The following SLC9A9 variants were observed in gnomAD, a reference collection of about 807,000 sequenced individuals.
SLC9A9 encodes the protein solute carrier family 9 member A9.
Under a neutral mutation model 77.8 loss-of-function variants are expected in SLC9A9, and 62 were observed. The ratio of observed to expected loss-of-function variants is 0.80; its 90% CI spans 0.65 to 0.98. The LOEUF (loss-of-function observed/expected upper bound fraction) is 0.98, where lower values mean the gene tolerates loss of function less well. Among genes scored for constraint, SLC9A9 ranks in the 50% least tolerant of loss-of-function variants. The probability of loss-of-function intolerance (pLI) is 0.00; values close to 1 mark genes in which losing one functional copy is unlikely to be tolerated. For missense variants in SLC9A9, 775 were observed against 774.9 expected, an observed-to-expected ratio of 1.00 and a Z score of 0.00; for synonymous variants, 320 against 283.5, an observed-to-expected ratio of 1.13 and a Z score of -1.29.
intron 12 of SLC9A9, among the ~76,000 whole-genome samples, chr3:143,428,117 A>C (rs531875607): frequency 6.6e-6 from 1 of 152,322 alleles, no homozygotes; most frequent in Non-Finnish European, 1.5e-5. Flanking sequence ...CTGCACAATG[A>C]AGGAAACAAA....
At chr3:143,751,818 G>T (rs1455521200) in intron 4 of SLC9A9, among the ~76,000 whole-genome samples, 1 of 152,220 alleles carries the variant, frequency 6.6e-6, no homozygotes, top group Non-Finnish European at 1.5e-5. Flanking sequence ...GCAGCTGGGG[G>T]TACAGGGAGA....
At chr3:143,346,922 CTT>C (rs780446450) in intron 14 of SLC9A9, 5 of 152,164 alleles carry the variant, frequency 3.3e-5, no homozygotes, top group Admixed American at 6.5e-5. Context: ...TCAGATGACT[CTT>C]GTCAATTTTA....
intron 14 of SLC9A9, among the ~76,000 whole-genome samples, chr3:143,288,807 C>T (rs1430534486): frequency 6.6e-6 from 1 of 152,156 alleles, no homozygotes; most frequent in East Asian, 1.9e-4. Flanking sequence ...CAAGGACATA[C>T]AGCTAAAAAT....
intron 8 of SLC9A9, among the ~76,000 whole-genome samples, chr3:143,555,931 C>T (rs1018059378): frequency 1.8e-4 from 27 of 152,180 alleles, no homozygotes; most frequent in Non-Finnish European, 2.8e-4. Context: ...CAAAATTGAT[C>T]TGACCCTTAG....
At chr3:143,321,362 G>T (rs1012470648) in intron 14 of SLC9A9, among the ~76,000 whole-genome samples, 1 of 152,170 alleles carries the variant, frequency 6.6e-6, no homozygotes, top group African/African-American at 2.4e-5. Context: ...AGGAAGGGAC[G>T]GAAATAGGTA....
At chr3:143,393,925 C>G (rs2108507186) in intron 12 of SLC9A9, among the ~76,000 whole-genome samples, 1 of 152,102 alleles carries the variant, frequency 6.6e-6, no homozygotes, top group Non-Finnish European at 1.5e-5. Context: ...TCTGAATAGA[C>G]CAATATGAGG....
chr3:143,298,991 T>TA (rs1051607429), intron 14 of SLC9A9, among the ~76,000 whole-genome samples: 4 of 152,208 alleles, frequency 2.6e-5, no homozygotes, highest in Non-Finnish European at 5.9e-5. Context: ...ATCATTGTAT[T>TA]AAATGCAGTG....
chr3:143,517,615 A>G, intron 9 of SLC9A9: 1 of 1,597,510 alleles, frequency 6.3e-7, no homozygotes, highest in Non-Finnish European at 8.5e-7. Context: ...AGGCAAGGGC[A>G]AGATCATGGG....
rs147136335 is a variant in SLC9A9 at position 143,629,508 on chromosome 3, C to T, written c.755+22747G>A. 2.1e-3 allele frequency among the ~76,000 whole-genome samples: 324 copies of T among 152,130 alleles called. 4 individuals carry two copies. Among genetic ancestry groups the T allele is most frequent in the Admixed American group, 1.8e-3 (28 of 15,258 alleles). On this transcript the variant is annotated intron_variant, in intron 6 of 15. Coordinates refer to ENST00000316549, the MANE Select transcript of SLC9A9 (RefSeq NM_173653.4). ...TTATTGATCTGAAATTCAAATTTAA[C>T]TGGGTGTCCTACATCTTTATTTGCT...
intron 5 of SLC9A9, among the ~76,000 whole-genome samples, chr3:143,675,104 T>C (rs961109405): frequency 2.0e-5 from 3 of 152,318 alleles, no homozygotes; most frequent in South Asian, 2.1e-4. Context: ...GAGAACCTAC[T>C]AATATAGAGC....
chr3:143,377,851 C>T (rs1576458109), intron 13 of SLC9A9, among the ~76,000 whole-genome samples: 1 of 152,206 alleles, frequency 6.6e-6, no homozygotes, highest in South Asian at 2.1e-4. Flanking sequence ...CTGTTTCTCC[C>T]ACTTTTTCTC....
chr3:143,426,374 G>A (rs2034405866), intron 12 of SLC9A9, among the ~76,000 whole-genome samples: 1 of 151,984 alleles, frequency 6.6e-6, no homozygotes, highest in Admixed American at 6.6e-5. Context: ...GAACTATTTT[G>A]GCCCCACAAT....
chr3:143,485,257 C>T (rs1232658546), intron 11 of SLC9A9, among the ~76,000 whole-genome samples: 3 of 152,144 alleles, frequency 2.0e-5, no homozygotes, highest in South Asian at 2.1e-4. Context: ...CAGACAAAAT[C>T]GCCACCATTG....
At chr3:143,553,085 A>G (rs570857944) in intron 8 of SLC9A9, among the ~76,000 whole-genome samples, 4 of 152,300 alleles carry the variant, frequency 2.6e-5, no homozygotes, top group Non-Finnish European at 4.4e-5. Flanking sequence ...CACTCCTTGA[A>G]AGTAAACTGG....
chr3:143,267,045 C>T (rs1937746381), intron 15 of SLC9A9, 116 bp from the exon 16 acceptor site: 1 of 938,140 alleles, frequency 1.1e-6, no homozygotes, highest in African/African-American at 1.6e-5. Context: ...TGTAACTGCC[C>T]TGTCTGGCCT....
At chr3:143,526,668 A>G (rs1419200713) in intron 9 of SLC9A9, among the ~76,000 whole-genome samples, 1 of 152,134 alleles carries the variant, frequency 6.6e-6, no homozygotes, top group Non-Finnish European at 1.5e-5. Context: ...TTCAACTTCA[A>G]TTTGCTGAGA....
At chr3:143,676,435 T>C (rs1932890869) in intron 5 of SLC9A9, among the ~76,000 whole-genome samples, 3 of 151,996 alleles carry the variant, frequency 2.0e-5, no homozygotes, top group East Asian at 1.9e-4. Flanking sequence ...TGTTATGTAG[T>C]GAGATGTACA....
chr3:143,823,864 A>T (rs57262535), intron 2 of SLC9A9, among the ~76,000 whole-genome samples: 4,673 of 152,152 alleles, frequency 0.031, 221 homozygotes, highest in African/African-American at 0.1. Flanking sequence ...TGCAAAGGAC[A>T]TACTGGAACT....
At chr3:143,821,063 C>A (rs2009154587) in intron 2 of SLC9A9, among the ~76,000 whole-genome samples, 1 of 152,186 alleles carries the variant, frequency 6.6e-6, no homozygotes, top group Non-Finnish European at 1.5e-5. Context: ...TCACAGCAGG[C>A]ACCCTTGAGG....
Sources: allele counts gnomAD v4.1 joint callset (sites outside exome capture counted in the v4.1 genomes callset), GRCh38; gene constraint gnomAD v4.1.1; transcripts MANE v1.5; gene names NCBI Gene and HGNC (gene_info 2026-07-23, HGNC 2026-07-21).